DNAJC2: variants seen among roughly 807,000 people sequenced by gnomAD.
DNAJC2 encodes the protein dnaJ homolog subfamily C member 2.
DNAJC2 carries 32 observed loss-of-function variants against 94.0 expected under a neutral mutation model. The observed-to-expected ratio is 0.34, with a 90% confidence interval of 0.26 to 0.46. The LOEUF is 0.46. Ranked by LOEUF, DNAJC2 falls within the 20% of genes least tolerant of loss-of-function variation. The pLI, the probability that DNAJC2 is intolerant of heterozygous loss-of-function variation, is 1.00. For missense variants in DNAJC2, 550 were observed against 719.5 expected (o/e 0.76, Z 2.69); for synonymous variants, 210 against 229.7 (o/e 0.91, Z 0.77).
chr7:103,331,163 G>C (rs1818954019), intron 3 of DNAJC2, among the ~76,000 whole-genome samples: 1 of 152,030 alleles, frequency 6.6e-6, no homozygotes, highest in South Asian at 2.1e-4. Context: ...TGCCATGTTG[G>C]CCAGGCTTGG....
rs770935865 is a variant in DNAJC2, at chr7:103,327,665, T to C, written c.421A>G (p.Ile141Val). 6 of 1,594,324 alleles carry C rather than the reference T, an allele frequency of 3.8e-6. No homozygotes were observed. The Admixed American group carries it at 8.6e-5, about 23-fold the overall frequency. ...TAAAGCATTTTCTTACCTTTAGTTA[T>C]GCAAGTGAAGTAGTCATTATCTCCT... ...KEGDNDYFTC[I>V]TKAYEMLSDP... Residue 141 changes from isoleucine (I) to valine (V), a missense_variant, in exon 4 of 17, where the codon ATA becomes GTA. Ile to Val is a conservative substitution (Grantham distance 29). Transcript: ENST00000379263.
chr7:103,321,842 C>A, intron 10 of DNAJC2, 90 bp downstream of exon 10: 1 of 1,439,742 alleles, frequency 6.9e-7, no homozygotes, highest in Non-Finnish European at 9.5e-7. Context: ...AGCGAGACCC[C>A]ATCTAAAAAA....
intron 12 of DNAJC2, among the ~76,000 whole-genome samples, chr7:103,319,379 G>A (rs1262637870): frequency 6.6e-6 from 1 of 151,760 alleles, no homozygotes; most frequent in Non-Finnish European, 1.5e-5. Flanking sequence ...GGAGGTTGTA[G>A]TGAGCCAAGA....
At position 103,344,544 on chromosome 7, in the gene DNAJC2, T is replaced by A; in HGVS notation, c.64+15A>T. The A allele has an allele frequency of 6.2e-7, 1 of 1,613,618 alleles. No homozygotes were observed. The highest frequency in any genetic ancestry group is 1.7e-5 in the Admixed American group (1 of 60,010). On this transcript the variant is annotated intron_variant, in intron 1 of 16. Transcript: ENST00000379263. ...AGCTGAGGTGAGAAGGAACCGAGGT[T>A]GGGTGGGCACTTACCAGAGGTCAGA...
At chr7:103,332,751 G>T (rs1819024926) in intron 3 of DNAJC2, among the ~76,000 whole-genome samples, 1 of 151,924 alleles carries the variant, frequency 6.6e-6, no homozygotes, top group African/African-American at 2.4e-5. Context: ...AGCCTTCTGA[G>T]CAGCTGGGAC....
At chr7:103,326,826 A>AT in intron 4 of DNAJC2, 142 bp from the exon 5 acceptor site, 2 of 759,378 alleles carry the variant, frequency 2.6e-6, no homozygotes. Context: ...GGAGGATTTA[A>AT]TTTAGGTAAC....
At position 103,312,465 on chromosome 7, in the gene DNAJC2, G is replaced by T; in HGVS notation, c.*104C>A. The T allele has an allele frequency of 6.5e-7, 1 of 1,538,312 alleles. No homozygotes were observed. Among genetic ancestry groups the T allele is most frequent in the Non-Finnish European group, 8.7e-7 (1 of 1,149,748 alleles). On this transcript the variant is annotated 3_prime_UTR_variant, in exon 17 of 17. Coordinates refer to ENST00000379263, the MANE Select transcript of DNAJC2 (RefSeq NM_014377.3). ...CTTTGTTCTCTGAGAAATTATGTTG[G>T]AAGCAGCATACTTTCAAATTATTAC... is the stretch of plus-strand genomic sequence containing the variant.
rs535964906 is a variant in DNAJC2, at chr7:103,318,786, TAATCAAAAC to T, written c.1242+814_1242+822del. On this transcript the variant is annotated intron_variant, in intron 12 of 16. Transcript: ENST00000379263. ...TTACCCTATGAAAATACTCAAGGAATAATCAAAACAATTATTTTTTTCTAATATGATTTT... is the reference window on the plus strand; with the variant it reads ...TTACCCTATGAAAATACTCAAGGAATAATTATTTTTTTCTAATATGATTTT... 9.5e-4 allele frequency among the ~76,000 whole-genome samples: 145 copies of T among 152,364 alleles called. 2 individuals carry two copies. Among genetic ancestry groups the T allele is most frequent in the African/African-American group, 3.4e-3 (143 of 41,584 alleles).
rs1352503780 is a variant in DNAJC2, at chr7:103,326,683, AGCTG to A, written c.431-3_431del. The A allele has an allele frequency of 6.3e-7, 1 of 1,599,264 alleles. No individual in the cohort carries two copies. The highest frequency in any genetic ancestry group is 8.5e-7 in the Non-Finnish European group (1 of 1,175,830). The stretch of plus-strand genomic sequence containing the variant: ...TCACTGGATCAGATAACATTTCATA[AGCTG>A]AGAAAAAAATTGTTAAGATCACATC... On this transcript the variant is annotated splice_acceptor_variant and splice_polypyrimidine_tract_variant and coding_sequence_variant and intron_variant, in exon 5 of 17. Transcript: ENST00000379263. LOFTEE classifies it high-confidence loss of function.
At chr7:103,312,725 A>C in intron 16 of DNAJC2, 82 bp from the exon 17 acceptor site, 1 of 1,581,616 alleles carries the variant, frequency 6.3e-7, no homozygotes, top group Non-Finnish European at 8.5e-7. Flanking sequence ...TAAAGAATTC[A>C]AGCAACTAAG....
At chr7:103,323,494 C>T (rs1026030162) in intron 7 of DNAJC2, 104 bp downstream of exon 7, 64 of 1,190,720 alleles carry the variant, frequency 5.4e-5, no homozygotes, top group Middle Eastern at 2.6e-4. Flanking sequence ...AAAAGATGTA[C>T]AAAGAGAAAA....
chr7:103,344,280 G>T (rs1202365032), intron 1 of DNAJC2: 10 of 522,482 alleles, frequency 1.9e-5, no homozygotes, highest in Non-Finnish European at 3.4e-5. Flanking sequence ...GGTGCTGGGG[G>T]GTTCCGTCCC....
At chr7:103,338,524 T>G (rs1240648454) in intron 2 of DNAJC2, among the ~76,000 whole-genome samples, 3 of 151,446 alleles carry the variant, frequency 2.0e-5, no homozygotes, top group Non-Finnish European at 4.4e-5. Context: ...CTCGAACTCC[T>G]GACCTCAGGT....
At position 103,313,081 on chromosome 7, in the gene DNAJC2, G is replaced by A; in HGVS notation, c.1657C>T (p.Pro553Ser). Residue 553 changes from proline to serine, a missense_variant, in exon 16 of 17, where the codon CCT becomes TCT. Physicochemically the swap from Pro to Ser is moderately conservative, Grantham distance 74. Around this residue, in one of 2 missense-constraint regions of DNAJC2, gnomAD observed 271 missense variants for 302.6 expected, o/e 0.90. Transcript: ENST00000379263. ...AGCTTCTGTTCTTCTGTTGTCCAAGGGGTGAAGTCTGTATATGGACCTGAT... is the reference window on the plus strand; with the variant it reads ...AGCTTCTGTTCTTCTGTTGTCCAAGAGGTGAAGTCTGTATATGGACCTGAT... ...RFEGPYTDFT[P>S]WTTEEQKLLE... 4 of 1,613,340 alleles carry A rather than the reference G, an allele frequency of 2.5e-6. No individual in the cohort carries two copies. The highest frequency in any genetic ancestry group is 3.4e-6 in the Non-Finnish European group (4 of 1,179,756).
Sources: gnomAD v4.1 joint callset for allele counts (sites outside exome capture counted in the v4.1 genomes callset) on GRCh38, gnomAD v4.1.1 for gene constraint, gnomAD v4.1.1 regional missense constraint, MANE v1.5 for transcripts, NCBI Gene and HGNC (gene_info 2026-07-23, HGNC 2026-07-21) for gene names.